RREB1: variants seen among roughly 807,000 people sequenced by gnomAD.
The protein encoded by RREB1 is ras responsive element binding protein 1.
Under a neutral mutation model 117.8 loss-of-function variants are expected in RREB1, and 27 were observed. The ratio of observed to expected loss-of-function variants is 0.23; its 90% CI spans 0.17 to 0.32. The LOEUF is 0.32. Among genes scored for constraint, RREB1 ranks in the 10% least tolerant of loss-of-function variants. The pLI is 1.00. For synonymous variants in RREB1, 1,298 were observed against 1,026.7 expected, an observed-to-expected ratio of 1.26 and a Z score of -5.05; for missense variants, 2,577 against 2,378.2, an observed-to-expected ratio of 1.08 and a Z score of -1.74.
At chr6:7,223,708 A>T (rs538999755) in intron 8 of RREB1, among the ~76,000 whole-genome samples, 28 of 152,338 alleles carry the variant, frequency 1.8e-4, no homozygotes, top group African/African-American at 6.7e-4. Flanking sequence ...ACATAAATAC[A>T]TATACTACCT....
intron 10 of RREB1, among the ~76,000 whole-genome samples, chr6:7,233,134 G>C (rs1185404647): frequency 1.3e-5 from 2 of 152,024 alleles, no homozygotes. Flanking sequence ...GACCTCAGGT[G>C]ATCTGCCCAC....
At chr6:7,143,754 A>G (rs1403381206) in intron 1 of RREB1, among the ~76,000 whole-genome samples, 1 of 151,574 alleles carries the variant, frequency 6.6e-6, no homozygotes, top group African/African-American at 2.4e-5. Context: ...TTATGAATGC[A>G]CCATTTGTTG....
At chr6:7,248,209 G>A (rs1183038071) in intron 12 of RREB1, among the ~76,000 whole-genome samples, 2 of 152,234 alleles carry the variant, frequency 1.3e-5, no homozygotes, top group African/African-American at 2.4e-5. Context: ...GTCTCTGGTC[G>A]AGGCCAGTCT....
chr6:7,164,344 A>G (rs1366308373), intron 1 of RREB1, among the ~76,000 whole-genome samples: 1 of 152,088 alleles, frequency 6.6e-6, no homozygotes, highest in Non-Finnish European at 1.5e-5. Context: ...TTAGGGGTTC[A>G]GTGGTAGGTA....
At chr6:7,247,253 C>G (rs754617875) in intron 12 of RREB1, 32 bp downstream of exon 12, 1 of 1,580,636 alleles carries the variant, frequency 6.3e-7, no homozygotes, top group Non-Finnish European at 8.6e-7. Context: ...CCCGGCCCAA[C>G]AAGAGGAGGC....
At chr6:7,139,128 A>C (rs1425783041) in intron 1 of RREB1, 1 of 152,218 alleles carries the variant, frequency 6.6e-6, no homozygotes, top group Non-Finnish European at 1.5e-5. Flanking sequence ...TACTGGCTGA[A>C]AAGGTACCAT....
intron 1 of RREB1, among the ~76,000 whole-genome samples, chr6:7,166,072 C>A (rs1385230086): frequency 6.6e-6 from 1 of 152,070 alleles, no homozygotes; most frequent in East Asian, 1.9e-4. Flanking sequence ...TGCAGTTAGA[C>A]CCCCCAGGGA....
At chr6:7,221,722 G>A (rs1421644019) in intron 8 of RREB1, among the ~76,000 whole-genome samples, 1 of 152,234 alleles carries the variant, frequency 6.6e-6, no homozygotes, top group Non-Finnish European at 1.5e-5. Context: ...AAGGGAGCAG[G>A]TGGGATGAGG....
In RREB1 at chr6:7,246,468, C is replaced by T; in HGVS notation, c.4018C>T (p.Leu1340=). Residue 1340 remains leucine (L), a synonymous_variant, in exon 12 of 13, where the codon CTA becomes TTA. Coordinates refer to ENST00000379938, the MANE Select transcript of RREB1 (RefSeq NM_001003699.4). ...AETAAAAGEV[L]DLTSRDREQP... ...GACTGCAGCCGCCGCGGGCGAAGTG[C>T]TAGACCTCACCTCACGGGACAGAGA... The T allele has an allele frequency of 1.3e-6, 2 of 1,534,118 alleles. No individual in the cohort carries two copies. The highest frequency in any genetic ancestry group is 1.8e-6 in the Non-Finnish European group (2 of 1,138,900).
At chr6:7,182,213 T>C in intron 4 of RREB1, 131 bp downstream of exon 4, 1 of 849,438 alleles carries the variant, frequency 1.2e-6, no homozygotes. Flanking sequence ...GAGGCCTTGA[T>C]CATTTTTCAA....
At chr6:7,142,231 A>G (rs1285922807) in intron 1 of RREB1, among the ~76,000 whole-genome samples, 1 of 151,676 alleles carries the variant, frequency 6.6e-6, no homozygotes, top group East Asian at 1.9e-4. Context: ...AAAAAAAAAA[A>G]AAAGGCTATT....
At chr6:7,243,647 A>G (rs1768840009) in intron 11 of RREB1, among the ~76,000 whole-genome samples, 1 of 152,214 alleles carries the variant, frequency 6.6e-6, no homozygotes, top group South Asian at 2.1e-4. Flanking sequence ...CTACACTGCT[A>G]AAACACTCCC....
In RREB1 at chr6:7,247,134, G is replaced by A. The variant is rs1352314414; in HGVS notation, c.4684G>A (p.Ala1562Thr). The change falls in exon 12 of 13, where the codon GCA becomes ACA. Residue 1562 changes from alanine to threonine, a missense_variant. By Grantham distance (58) the Ala-to-Thr change is moderately conservative (BLOSUM62 0). Coordinates refer to ENST00000379938, the MANE Select transcript of RREB1 (RefSeq NM_001003699.4). ...TDSPKSVASK[A>T]DKRKKVCSVC... ...CTCCCCCAAAAGCGTGGCCAGCAAG[G>A]CAGACAAGAGGAAGAAGGTCTGCAG... The A allele has an allele frequency of 1.2e-6, 2 of 1,613,822 alleles. No homozygotes were observed. The highest frequency in any genetic ancestry group is 1.3e-5 in the African/African-American group (1 of 74,928).
At chr6:7,120,113 T>C (rs2113309983) in intron 1 of RREB1, among the ~76,000 whole-genome samples, 1 of 138,652 alleles carries the variant, frequency 7.2e-6, no homozygotes, top group South Asian at 2.7e-4. Flanking sequence ...CGCCCGCCTT[T>C]TTTAGCTATT....
rs189679188 is a variant in RREB1, at chr6:7,117,732, T to C, written c.-285+9672T>C. Reference sequence around the variant, plus strand: ...CCAGATTTCCTTTTTAAACAATGAATTTTTATTTTTTATTTTTTTGGAGAC... The same window carrying C: ...CCAGATTTCCTTTTTAAACAATGAACTTTTATTTTTTATTTTTTTGGAGAC... On this transcript the variant is annotated intron_variant, in intron 1 of 12. Transcript: ENST00000379938. Among the ~76,000 whole-genome samples, 332 of 152,132 alleles carry C rather than the reference T, an allele frequency of 2.2e-3. 2 individuals are homozygous for C. Among genetic ancestry groups the C allele is most frequent in the African/African-American group, 7.7e-3 (321 of 41,486 alleles).
intron 1 of RREB1, among the ~76,000 whole-genome samples, chr6:7,159,063 G>A (rs1763523058): frequency 6.6e-6 from 1 of 152,136 alleles, no homozygotes. Context: ...TTTTATAGCC[G>A]ATTTATGCAC....
chr6:7,109,665 CA>C (rs913428817), intron 1 of RREB1, among the ~76,000 whole-genome samples: 4 of 152,240 alleles, frequency 2.6e-5, no homozygotes, highest in African/African-American at 9.6e-5. Flanking sequence ...CCTTGCTCAG[CA>C]GATTTGCCCT....
intron 10 of RREB1, among the ~76,000 whole-genome samples, chr6:7,237,611 G>C (rs1482832078): frequency 2.0e-5 from 3 of 152,170 alleles, no homozygotes; most frequent in Non-Finnish European, 4.4e-5. Flanking sequence ...GGTTACAGGT[G>C]CTTTTACAAA....
At chr6:7,235,896 T>A (rs1057063691) in intron 10 of RREB1, among the ~76,000 whole-genome samples, 1 of 152,200 alleles carries the variant, frequency 6.6e-6, no homozygotes, top group African/African-American at 2.4e-5. Context: ...CTTTTCTTGC[T>A]CCCGGCTCAG....
Sources: allele counts gnomAD v4.1 joint callset (sites outside exome capture counted in the v4.1 genomes callset), GRCh38; gene constraint gnomAD v4.1.1; transcripts MANE v1.5; gene names NCBI Gene and HGNC (gene_info 2026-07-23, HGNC 2026-07-21).